The following HMCN1 variants were observed in gnomAD, a reference collection of about 807,000 sequenced individuals.
The protein encoded by HMCN1 is hemicentin 1.
HMCN1 carries 321 observed loss-of-function variants against 625.9 expected under a neutral mutation model. The ratio of observed to expected loss-of-function variants is 0.51; its 90% CI spans 0.47 to 0.56. HMCN1 has a LOEUF of 0.56. Among genes scored for constraint, HMCN1 ranks in the 20% least tolerant of loss-of-function variants. The pLI, the probability that HMCN1 is intolerant of heterozygous loss-of-function variation, is 0.00. For synonymous variants in HMCN1, 2,425 were observed against 2,417.6 expected, an observed-to-expected ratio of 1.00 and a Z score of -0.09; for missense variants, 6,588 against 6,887.3, an observed-to-expected ratio of 0.96 and a Z score of 1.54.
chr1:185,757,431 A>G (rs1438170477), intron 1 of HMCN1, among the ~76,000 whole-genome samples: 1 of 152,098 alleles, frequency 6.6e-6, no homozygotes, highest in African/African-American at 2.4e-5. Flanking sequence ...TCTCCTTTCA[A>G]GACCTTGCAC....
At chr1:185,907,208 A>G (rs1301990244) in intron 4 of HMCN1, among the ~76,000 whole-genome samples, 1 of 151,986 alleles carries the variant, frequency 6.6e-6, no homozygotes, top group East Asian at 1.9e-4. Context: ...GTTTTATTTC[A>G]TATGTAAAAT....
chr1:185,902,679 C>T (rs953513246), intron 4 of HMCN1, among the ~76,000 whole-genome samples: 4 of 151,490 alleles, frequency 2.6e-5, no homozygotes, highest in East Asian at 1.9e-4. Flanking sequence ...ATAATGCTTA[C>T]GTGCCTCCCT....
At chr1:185,915,875 A>G (rs1215115592) in intron 6 of HMCN1, among the ~76,000 whole-genome samples, 1 of 152,098 alleles carries the variant, frequency 6.6e-6, no homozygotes, top group Non-Finnish European at 1.5e-5. Context: ...TAAATAGATT[A>G]GGTGTAGCAT....
intron 1 of HMCN1, among the ~76,000 whole-genome samples, chr1:185,785,084 A>C (rs570955893): frequency 6.6e-6 from 1 of 152,312 alleles, no homozygotes; most frequent in Admixed American, 6.5e-5. Flanking sequence ...TCTTCATGTT[A>C]ATGAACATTT....
intron 6 of HMCN1, among the ~76,000 whole-genome samples, chr1:185,917,419 A>G (rs1666771866): frequency 6.6e-6 from 1 of 152,200 alleles, no homozygotes; most frequent in Non-Finnish European, 1.5e-5. Flanking sequence ...GTCTACACCT[A>G]GGTAAATATC....
rs755821524 is a variant in HMCN1 at position 186,067,961 on chromosome 1, G to A, written c.7833G>A (p.Lys2611=). ...SYPPATITWF[K]DGTPLESNRN... ...CTCCAGCTACCATCACCTGGTTTAA[G>A]GATGGCACTCCTTTAGAATCTAACC... is the stretch of plus-strand genomic sequence containing the variant. The change falls in exon 50 of 107, where the codon AAG becomes AAA. Residue 2611 remains lysine, a synonymous_variant. Transcript: ENST00000271588. The A allele has an allele frequency of 2.5e-6, 4 of 1,613,836 alleles. No homozygotes were observed. In the South Asian group the frequency reaches 4.4e-5, roughly 18 times the overall value.
intron 105 of HMCN1, among the ~76,000 whole-genome samples, chr1:186,185,110 ATTTC>A (rs1460322381): frequency 6.6e-6 from 1 of 152,172 alleles, no homozygotes; most frequent in African/African-American, 2.4e-5. Context: ...AGATTCTGAT[ATTTC>A]TTTATAGATT....
At chr1:186,116,955 C>G (rs761824820) in intron 75 of HMCN1, 39 bp from the exon 76 acceptor site, 1 of 1,608,870 alleles carries the variant, frequency 6.2e-7, no homozygotes, top group East Asian at 2.2e-5. Context: ...TTATGAAAAC[C>G]TACATATAGT....
intron 9 of HMCN1, among the ~76,000 whole-genome samples, chr1:185,927,033 A>T (rs558756262): frequency 3.3e-5 from 5 of 152,358 alleles, no homozygotes; most frequent in African/African-American, 1.2e-4. Flanking sequence ...TCAAGCATTT[A>T]GTAAACTGGT....
intron 71 of HMCN1, among the ~76,000 whole-genome samples, chr1:186,110,974 A>ATTTTTTTTTTTTTTTT (rs778503338): frequency 1.3e-4 from 8 of 59,946 alleles, no homozygotes; most frequent in African/African-American, 6.2e-4. Flanking sequence ...ACCAGAGAAA[A>ATTTTTTTTTTTTTTTT]TTCTTTTTTT....
In HMCN1 at chr1:186,015,928, T is replaced by A. The variant is rs756645095; in HGVS notation, c.4910-30T>A. 7 of 1,597,152 alleles carry A rather than the reference T, an allele frequency of 4.4e-6. 1 individual carries two copies. In the South Asian group the frequency reaches 7.7e-5, roughly 18 times the overall value. On this transcript the variant is annotated intron_variant, in intron 31 of 106. Transcript: ENST00000271588. The stretch of plus-strand genomic sequence containing the variant: ...TGTATTTTGTGACCACACAAATAAT[T>A]GCCTGAAATATTGCTATGTTTCTCC...
intron 16 of HMCN1, among the ~76,000 whole-genome samples, chr1:185,978,966 C>A (rs1651425714): frequency 6.6e-6 from 1 of 152,142 alleles, no homozygotes; most frequent in Non-Finnish European, 1.5e-5. Context: ...CTGTCGTGAA[C>A]CACCATGTCT....
At chr1:186,002,959 A>T (rs987002046) in intron 28 of HMCN1, among the ~76,000 whole-genome samples, 3 of 152,078 alleles carry the variant, frequency 2.0e-5, no homozygotes, top group Admixed American at 2.0e-4. Flanking sequence ...CCTTCTGTGA[A>T]AGTCTATCAT....
chr1:185,867,994 G>A (rs567647613), intron 4 of HMCN1, among the ~76,000 whole-genome samples: 6 of 151,988 alleles, frequency 3.9e-5, no homozygotes, highest in South Asian at 4.2e-4. Context: ...ACTTGAACCC[G>A]GGAGGTGGAG....
chr1:185,914,189 G>A (rs1481444558), intron 6 of HMCN1, among the ~76,000 whole-genome samples: 1 of 152,076 alleles, frequency 6.6e-6, no homozygotes, highest in Non-Finnish European at 1.5e-5. Context: ...GAATGTATCA[G>A]GTTGTTACAA....
intron 104 of HMCN1, among the ~76,000 whole-genome samples, chr1:186,179,359 T>C (rs942342864): frequency 2.0e-5 from 3 of 152,210 alleles, no homozygotes; most frequent in Non-Finnish European, 2.9e-5. Context: ...AGTATCTTTA[T>C]CTAAATTCAC....
chr1:185,810,660 G>A (rs1310954319), intron 1 of HMCN1, among the ~76,000 whole-genome samples: 1 of 138,568 alleles, frequency 7.2e-6, no homozygotes, highest in African/African-American at 3.2e-5. Context: ...AACTTTGTGT[G>A]TGTGTGTGTG....
intron 14 of HMCN1, among the ~76,000 whole-genome samples, chr1:185,967,516 G>A (rs769525493): frequency 5.3e-5 from 8 of 152,042 alleles, no homozygotes; most frequent in African/African-American, 9.7e-5. Context: ...GTGTTCCCTG[G>A]GTTCATCAAT....
Position 186,074,976 on chromosome 1 carries a change from TG to T in HMCN1, c.8290+86del, listed in dbSNP as rs2102356940. The T allele has an allele frequency of 8.8e-5, 97 of 1,104,044 alleles. 1 individual carries two copies. In the South Asian group the frequency reaches 1.3e-3, roughly 15 times the overall value. 68.4% of individuals were successfully genotyped at this position (1,104,044 alleles called of 1,614,324 possible). A position where few individuals can be genotyped will look rare whatever the true frequency, so the allele number is the denominator to read the frequency against. ...AAGAGATTTGACTTATTTTAAACAGTGTTTTTTTCTGTTGACAATAATATAA... is the reference window on the plus strand; with the variant it reads ...AAGAGATTTGACTTATTTTAAACAGTTTTTTTTCTGTTGACAATAATATAA... On this transcript the variant is annotated intron_variant, in intron 53 of 106. Transcript: ENST00000271588.
Sources: allele counts gnomAD v4.1 joint callset (sites outside exome capture counted in the v4.1 genomes callset), GRCh38; gene constraint gnomAD v4.1.1; transcripts MANE v1.5; gene names NCBI Gene and HGNC (gene_info 2026-07-23, HGNC 2026-07-21).